The following CRB2 variants were observed in gnomAD, a reference collection of about 807,000 sequenced individuals.
CRB2 encodes crumbs cell polarity complex component 2.
Under a neutral mutation model 110.9 loss-of-function variants are expected in CRB2, and 85 were observed. The observed-to-expected ratio is 0.77, with a 90% confidence interval of 0.64 to 0.92. The LOEUF (loss-of-function observed/expected upper bound fraction) is 0.92. Ranked by LOEUF, CRB2 falls within the 40% of genes least tolerant of loss-of-function variation. CRB2 has a pLI of 0.00. For synonymous variants in CRB2, 907 were observed against 831.0 expected (o/e 1.09, Z -1.57); for missense variants, 1,843 against 1,851.3 (o/e 1.00, Z 0.08).
chr9:123,357,130 C>A (rs77749765), intron 1 of CRB2, among the ~76,000 whole-genome samples: 4 of 151,954 alleles, frequency 2.6e-5, no homozygotes, highest in Admixed American at 2.6e-4. Flanking sequence ...TGTGTGTGTC[C>A]CCTGCTGCCC....
At chr9:123,362,154 T>C (rs990762330) in intron 1 of CRB2, among the ~76,000 whole-genome samples, 1 of 150,698 alleles carries the variant, frequency 6.6e-6, no homozygotes, top group Admixed American at 6.6e-5. Context: ...TGGCAGGGGG[T>C]GGGTAGTGAT....
rs561394147 is a variant in CRB2 at position 123,370,974 on chromosome 9, G to A, written c.1921G>A (p.Ala641Thr). ...CARPHRGPTC[A>T]DEIPAATFGL... ...CCGGCCCCATAGAGGTCCCACGTGC[G>A]CTGATGGTGAGGAATAAGCCAGGTG... is the stretch of plus-strand genomic sequence containing the variant. The change falls in exon 7 of 13, where the codon GCT becomes ACT. Residue 641 changes from alanine to threonine, a missense_variant. Physicochemically the swap from Ala to Thr is moderately conservative, Grantham distance 58. Coordinates refer to ENST00000373631, the MANE Select transcript of CRB2 (RefSeq NM_173689.7). 39 of 1,602,972 alleles carry A rather than the reference G, an allele frequency of 2.4e-5. No homozygotes were observed. Among genetic ancestry groups the A allele is most frequent in the Middle Eastern group, 1.7e-4 (1 of 6,016 alleles).
intron 10 of CRB2, chr9:123,374,234 T>A: frequency 3.4e-6 from 2 of 593,404 alleles, no homozygotes; most frequent in Non-Finnish European, 6.0e-6. Flanking sequence ...GGCGCTTCCC[T>A]TATTCATCTG....
At position 123,372,288 on chromosome 9, in the gene CRB2, G is replaced by A. The variant is rs765067093; in HGVS notation, c.2548G>A (p.Gly850Ser). The A allele has an allele frequency of 1.5e-5, 24 of 1,612,136 alleles. No individual in the cohort carries two copies. The highest frequency in any genetic ancestry group is 8.4e-5 in the Admixed American group (5 of 59,850). The part of the protein sequence containing the change: ...PTCAQQLWCP[G>S]QPCLPPATCE... ...GTGTGCCCAGCAGCTGTGGTGTCCC[G>A]GCCAGCCCTGTCTCCCACCTGCCAC... is the stretch of plus-strand genomic sequence containing the variant. Residue 850 changes from glycine to serine, a missense_variant, in exon 9 of 13, where the codon GGC becomes AGC. Physicochemically the swap from Gly to Ser is moderately conservative, Grantham distance 56. Coordinates refer to ENST00000373631, the MANE Select transcript of CRB2 (RefSeq NM_173689.7).
downstream of CRB2, among the ~76,000 whole-genome samples, chr9:123,379,288 A>AGAGT (rs1554787271): frequency 2.0e-5 from 3 of 152,182 alleles, no homozygotes; most frequent in African/African-American, 7.2e-5. Context: ...CAACAGAGGC[A>AGAGT]GAGTCCCAGG....
In CRB2 at chr9:123,376,843, C is replaced by T. The variant is rs1481241450; in HGVS notation, c.3639C>T (p.Gly1213=). 5 of 1,605,842 alleles carry T rather than the reference C, an allele frequency of 3.1e-6. No homozygotes were observed. The highest frequency in any genetic ancestry group is 2.2e-5 in the South Asian group (2 of 89,732). The change falls in exon 13 of 13, where the codon GGC becomes GGT. Residue 1213 remains glycine, a synonymous_variant. Coordinates refer to ENST00000373631, the MANE Select transcript of CRB2 (RefSeq NM_173689.7). ...FSGQFCEVAK[G]LPLPLPFPLL... ...CGGTGTCGTGTCTCTTGCAGAAGGG[C>T]CTGCCCCTGCCGCTGCCATTCCCAC...
At position 123,367,210 on chromosome 9, in the gene CRB2, T is replaced by C. The variant is rs2041945815; in HGVS notation, c.793T>C (p.Cys265Arg). The C allele has an allele frequency of 7.5e-6, 12 of 1,601,532 alleles. No individual in the cohort carries two copies. The highest frequency in any genetic ancestry group is 1.0e-5 in the Non-Finnish European group (12 of 1,178,332). Residue 265 changes from cysteine (C) to arginine (R), a missense_variant, in exon 5 of 13, where the codon TGT (cysteine) becomes CGT (arginine). By Grantham distance (180) the Cys-to-Arg change is radical (BLOSUM62 -3). Coordinates refer to ENST00000373631, the MANE Select transcript of CRB2 (RefSeq NM_173689.7). Reference sequence around the variant, plus strand: ...GCTGTGCGAGGTGGACGAGGACGAGTGTGCATCGAGCCCCTGCCAGCATGG... The same window carrying C: ...GCTGTGCGAGGTGGACGAGGACGAGCGTGCATCGAGCCCCTGCCAGCATGG... The part of the protein sequence containing the change: ...GELCEVDEDE[C>R]ASSPCQHGGR...
rs757353722 is a variant in CRB2 at position 123,371,380 on chromosome 9, C to T, written c.2238C>T (p.His746=). 81 of 1,606,532 alleles carry T rather than the reference C, an allele frequency of 5.0e-5. 1 individual carries two copies. The Middle Eastern group carries it at 6.6e-4, about 13-fold the overall frequency. Residue 746 remains histidine, a synonymous_variant, in exon 8 of 13, where the codon CAC becomes CAT. Transcript: ENST00000373631. ...TGCAGGACCTGGGGCAGCACGTGCA[C>T]GTGGGTGGGAGGCTCCTTGCTGCCG... The part of the protein sequence containing the change: ...DQLQDLGQHV[H]VGGRLLAADS...
chr9:123,374,066 G>A (rs2042065408), intron 10 of CRB2, 146 bp downstream of exon 10: 4 of 1,070,884 alleles, frequency 3.7e-6, no homozygotes, highest in East Asian at 5.2e-5. Context: ...AGTTTAATTT[G>A]ATAAATTTCC....
downstream of CRB2, chr9:123,378,779 C>T (rs1348637411): frequency 7.0e-6 from 1 of 143,704 alleles, no homozygotes; most frequent in East Asian, 2.1e-4. Flanking sequence ...CTTCCTGGCT[C>T]CTGTGGGTTC....
intron 2 of CRB2, among the ~76,000 whole-genome samples, chr9:123,363,759 T>C (rs924280758): frequency 6.6e-6 from 1 of 152,144 alleles, no homozygotes; most frequent in African/African-American, 2.4e-5. Flanking sequence ...TGGGATAATA[T>C]ATACGTAAGT....
chr9:123,373,458 G>A lies in CRB2; in HGVS notation c.2927G>A (p.Trp976Ter). The part of the protein sequence containing the change: ...PAATTSRWLL[W>*]LDGAATPVAL... ...GCCACCACCTCGCGCTGGCTGCTGT[G>A]GCTGGATGGTGCCGCCACCCCGGTG... The change falls in exon 10 of 13, where the codon TGG (tryptophan) becomes TAG (stop). Residue 976 changes from tryptophan to a stop codon, truncating the protein, a stop_gained. Coordinates refer to ENST00000373631, the MANE Select transcript of CRB2 (RefSeq NM_173689.7). LOFTEE classifies it high-confidence loss of function. The A allele has an allele frequency of 6.9e-7, 1 of 1,457,268 alleles. No homozygotes were observed. The highest frequency in any genetic ancestry group is 1.3e-5 in the South Asian group (1 of 75,212). The allele number at this position is 1,457,268 out of a possible 1,614,324, so 90.3% of individuals were successfully genotyped here.
rs1243817653 is a variant in CRB2, at chr9:123,377,293, T to G, written c.*231T>G. 1.8e-6 allele frequency: 1 copy of G among 553,756 alleles called. No homozygotes were observed. The highest frequency in any genetic ancestry group is 3.2e-6 in the Non-Finnish European group (1 of 312,024). 34.3% of individuals were successfully genotyped at this position (553,756 alleles called of 1,614,324 possible). The stretch of plus-strand genomic sequence containing the variant: ...CCATCCCACCCTCGGGGTTCCGCCT[T>G]GGCAGGTGTACGGCTGTGCGTGGGA... On this transcript the variant is annotated 3_prime_UTR_variant, in exon 13 of 13. Coordinates refer to ENST00000373631, the MANE Select transcript of CRB2 (RefSeq NM_173689.7).
upstream of CRB2, among the ~76,000 whole-genome samples, chr9:123,354,484 C>T (rs1470294314): frequency 2.6e-5 from 4 of 152,214 alleles, no homozygotes; most frequent in African/African-American, 9.6e-5. Context: ...TCACTAACGC[C>T]ACCATTTTAC....
chr9:123,372,124 TG>T, intron 8 of CRB2, 52 bp from the exon 9 acceptor site: 1 of 1,571,732 alleles, frequency 6.4e-7, no homozygotes, highest in Admixed American at 1.7e-5. Flanking sequence ...CCAGTTATGG[TG>T]GGTGATGCTC....
rs1490992281 is a variant in CRB2, at chr9:123,371,448, A to AC, written c.2308dup (p.Leu770ProfsTer17). On this transcript the variant is annotated frameshift_variant, in exon 8 of 13. Transcript: ENST00000373631. LOFTEE classifies it high-confidence loss of function. ...GGGCCCTTCCGAGGCTGCCTCCAGGACCTGCGACTCGATGGCTGCCACCTC... is the reference window on the plus strand; with the variant it reads ...GGGCCCTTCCGAGGCTGCCTCCAGGACCCTGCGACTCGATGGCTGCCACCTC... The AC allele has an allele frequency of 1.2e-6, 2 of 1,612,884 alleles. No homozygotes were observed. The highest frequency in any genetic ancestry group is 1.7e-6 in the Non-Finnish European group (2 of 1,180,018).
intron 12 of CRB2, 137 bp downstream of exon 12, chr9:123,375,480 C>T: frequency 1.9e-6 from 2 of 1,055,668 alleles, no homozygotes; most frequent in Non-Finnish European, 2.6e-6. Flanking sequence ...AGAGGAGCCT[C>T]AGGTCCCTTC....
Position 123,373,160 on chromosome 9 carries a change from G to GGTCCCCCCGCCGCGTTC in CRB2, c.2630_2646dup (p.Ser883ValfsTer264). The GGTCCCCCCGCCGCGTTC allele has an allele frequency of 6.6e-7, 1 of 1,513,230 alleles. No individual in the cohort carries two copies. The highest frequency in any genetic ancestry group is 1.2e-5 in the South Asian group (1 of 82,604). 93.7% of individuals were successfully genotyped at this position (1,513,230 alleles called of 1,614,324 possible). A position where few individuals can be genotyped will look rare whatever the true frequency, so the allele number is the denominator to read the frequency against. On this transcript the variant is annotated frameshift_variant, in exon 10 of 13. Coordinates refer to ENST00000373631, the MANE Select transcript of CRB2 (RefSeq NM_173689.7). LOFTEE classifies it high-confidence loss of function. ...TGTGGCGGAGGCCACGTTCCGCGAGGGTCCCCCCGCCGCGTTCAGCGGGCA... is the reference window on the plus strand; with the variant it reads ...TGTGGCGGAGGCCACGTTCCGCGAGGGTCCCCCCGCCGCGTTCGTCCCCCCGCCGCGTTCAGCGGGCA...
intron 1 of CRB2, among the ~76,000 whole-genome samples, chr9:123,358,269 C>T (rs2041822432): frequency 6.6e-6 from 1 of 152,216 alleles, no homozygotes; most frequent in Non-Finnish European, 1.5e-5. Context: ...CCATCCTGGG[C>T]CCAATTTGCC....
Sources: allele counts gnomAD v4.1 joint callset (sites outside exome capture counted in the v4.1 genomes callset), GRCh38; gene constraint gnomAD v4.1.1; transcripts MANE v1.5; gene names NCBI Gene and HGNC (gene_info 2026-07-23, HGNC 2026-07-21).